The following EFHB variants were observed in gnomAD, a reference collection of about 807,000 sequenced individuals.
The protein encoded by EFHB is EF-hand domain-containing family member B.
Under a neutral mutation model 87.2 loss-of-function variants are expected in EFHB, and 91 were observed. That is an observed-to-expected ratio of 1.04 (90% CI 0.88 to 1.24). The LOEUF (loss-of-function observed/expected upper bound fraction) is 1.24, where lower values mean the gene tolerates loss of function less well. Ranked by LOEUF, EFHB falls within the 50% of genes most tolerant of loss-of-function variation. The probability of loss-of-function intolerance (pLI) is 0.00; values close to 1 mark genes in which losing one functional copy is unlikely to be tolerated. For synonymous variants in EFHB, 325 were observed against 333.6 expected (o/e 0.97, Z 0.28); for missense variants, 1,084 against 998.8 (o/e 1.09, Z -1.15).
intron 1 of EFHB, among the ~76,000 whole-genome samples, chr3:19,939,370 CTTT>C (rs147510880): frequency 7.3e-4 from 47 of 64,550 alleles, no homozygotes; most frequent in South Asian, 1.7e-3. Flanking sequence ...GTTGGGTCTC[CTTT>C]TTTTTTTTTT....
At chr3:19,882,063 T>G (rs73819008) in intron 12 of EFHB, among the ~76,000 whole-genome samples, 116 of 102,500 alleles carry the variant, frequency 1.1e-3, no homozygotes, top group Non-Finnish European at 1.4e-3. Flanking sequence ...AAATAAATAA[T>G]TAAATAAGAC....
At chr3:19,892,334 C>T (rs1047870893) in intron 9 of EFHB, among the ~76,000 whole-genome samples, 6 of 152,344 alleles carry the variant, frequency 3.9e-5, no homozygotes, top group Middle Eastern at 6.8e-3. Context: ...CTCTCACCAG[C>T]TCCTGGTGCC....
intron 1 of EFHB, among the ~76,000 whole-genome samples, chr3:19,925,896 A>G (rs532926953): frequency 6.6e-6 from 1 of 152,260 alleles, no homozygotes; most frequent in African/African-American, 2.4e-5. Flanking sequence ...ACTCAGAGAG[A>G]TCCCCAATTC....
intron 5 of EFHB, among the ~76,000 whole-genome samples, chr3:19,908,600 GAA>G (rs1490691389): frequency 0.019 from 1,858 of 96,700 alleles, 18 homozygotes; most frequent in Non-Finnish European, 0.026. Context: ...GAGAGAGAGA[GAA>G]AGAAAGAAAG....
Position 19,905,632 on chromosome 3 carries a change from T to G in EFHB, c.1406A>C (p.His469Pro), listed in dbSNP as rs751408991. The G allele has an allele frequency of 6.2e-7, 1 of 1,613,670 alleles. No homozygotes were observed. The highest frequency in any genetic ancestry group is 8.5e-7 in the Non-Finnish European group (1 of 1,179,652). Residue 469 changes from histidine to proline, a missense_variant, in exon 6 of 13, where the codon CAT (histidine) becomes CCT (proline). Coordinates refer to ENST00000295824, the MANE Select transcript of EFHB (RefSeq NM_144715.4). Reference protein sequence around the residue: ...RAMAKSLYWLHELQMKRGAKF... With the variant: ...RAMAKSLYWLPELQMKRGAKF... ...TAATTAAACTTACATTTGTAGTTCA[T>G]GGAGCCAATATAGAGATTTTGCCAT...
chr3:19,940,080 G>C (rs1414510186), intron 1 of EFHB, among the ~76,000 whole-genome samples: 8 of 151,984 alleles, frequency 5.3e-5, no homozygotes, highest in Non-Finnish European at 1.2e-4. Context: ...TCCTTTAAAG[G>C]CTTACTTTCT....
At chr3:19,882,192 C>T (rs2071696017) in intron 12 of EFHB, among the ~76,000 whole-genome samples, 1 of 152,128 alleles carries the variant, frequency 6.6e-6, no homozygotes. Context: ...AGTGACCATC[C>T]TCATGCCCAC....
In EFHB at chr3:19,891,354, C is replaced by G. The variant is rs550564680; in HGVS notation, c.1726-2703G>C. On this transcript the variant is annotated intron_variant, in intron 9 of 12. Transcript: ENST00000295824. Reference sequence around the variant, plus strand: ...TGTAGGTGTGAGCCACCACACTCAGCTGAGAAGTGATCCTTTAGAAAAAAA... The same window carrying G: ...TGTAGGTGTGAGCCACCACACTCAGGTGAGAAGTGATCCTTTAGAAAAAAA... Among the ~76,000 whole-genome samples the G allele has an allele frequency of 8.4e-4, 126 of 150,056 alleles. 1 individual carries two copies. The highest frequency in any genetic ancestry group is 3.1e-3 in the African/African-American group (123 of 39,864).
chr3:19,918,667 T>C (rs1331174943), intron 3 of EFHB, among the ~76,000 whole-genome samples: 3 of 152,076 alleles, frequency 2.0e-5, no homozygotes, highest in South Asian at 2.1e-4. Context: ...TCCAGGTTAC[T>C]TGACTCAAAT....
chr3:19,946,517 T>C (rs966144342), intron 1 of EFHB, among the ~76,000 whole-genome samples: 1 of 152,180 alleles, frequency 6.6e-6, no homozygotes, highest in Non-Finnish European at 1.5e-5. Context: ...CCCCGCCCCC[T>C]ACCAAAACCA....
At chr3:19,883,668 A>G (rs2071738084) in intron 11 of EFHB, among the ~76,000 whole-genome samples, 1 of 152,160 alleles carries the variant, frequency 6.6e-6, no homozygotes, top group South Asian at 2.1e-4. Context: ...AATTAAGATA[A>G]GGTCATACTG....
At chr3:19,885,058 T>C (rs1227655975) in intron 10 of EFHB, among the ~76,000 whole-genome samples, 1 of 151,432 alleles carries the variant, frequency 6.6e-6, no homozygotes, top group Non-Finnish European at 1.5e-5. Context: ...CCCGTCTCTA[T>C]TAAAAATATA....
chr3:19,933,174 A>G, intron 1 of EFHB, 56 bp downstream of exon 1: 3 of 1,506,228 alleles, frequency 2.0e-6, no homozygotes, highest in Non-Finnish European at 2.7e-6. Flanking sequence ...TTATCATCTC[A>G]ATAAAGACAT....
rs376000870 is a variant in EFHB at position 19,882,736 on chromosome 3, G to A, written c.2147-5C>T. 43 of 1,608,462 alleles carry A rather than the reference G, an allele frequency of 2.7e-5. No individual in the cohort carries two copies. Among genetic ancestry groups the A allele is most frequent in the Middle Eastern group, 1.7e-4 (1 of 6,038 alleles). On this transcript the variant is annotated splice_polypyrimidine_tract_variant and splice_region_variant and intron_variant, in intron 11 of 12. Coordinates refer to ENST00000295824, the MANE Select transcript of EFHB (RefSeq NM_144715.4). Reference sequence around the variant, plus strand: ...GAACACCACAAATGGGGTAACCTAGGTCATTGATGAGGGAAGAAAACAGAC... The same window carrying A: ...GAACACCACAAATGGGGTAACCTAGATCATTGATGAGGGAAGAAAACAGAC...
In EFHB at chr3:19,933,564, T is replaced by C. The variant is rs773617642; in HGVS notation, c.455A>G (p.Glu152Gly). Residue 152 changes from glutamate to glycine, a missense_variant, in exon 1 of 13, where the codon GAA (glutamate) becomes GGA (glycine). Glu to Gly is a moderately conservative substitution (Grantham distance 98, BLOSUM62 -2). Coordinates refer to ENST00000295824, the MANE Select transcript of EFHB (RefSeq NM_144715.4). Reference protein sequence around the residue: ...SRRAPLASGPEGVEELVGKPA... With the variant: ...SRRAPLASGPGGVEELVGKPA... ...CTTTCCCACTAATTCCTCTACCCCT[T>C]CAGGGCCACTAGCCAAAGGAGCTCT... The C allele has an allele frequency of 1.2e-6, 2 of 1,614,002 alleles. No individual in the cohort carries two copies. The highest frequency in any genetic ancestry group is 2.2e-5 in the South Asian group (2 of 91,088).
rs771238644 is a variant in EFHB at position 19,933,667 on chromosome 3, C to A, written c.352G>T (p.Ala118Ser). Residue 118 changes from alanine (A) to serine (S), a missense_variant, in exon 1 of 13, where the codon GCA becomes TCA. By Grantham distance (99) the Ala-to-Ser change is moderately conservative. Coordinates refer to ENST00000295824, the MANE Select transcript of EFHB (RefSeq NM_144715.4). ...ATTATCCGTTCATGGGTATATCCTGCAAGAAGACTCTCATTTTCTAACCCC... is the reference window on the plus strand; with the variant it reads ...ATTATCCGTTCATGGGTATATCCTGAAAGAAGACTCTCATTTTCTAACCCC... ...RMGLENESLL[A>S]GYTHERIIQP... 1.9e-6 allele frequency: 3 copies of A among 1,614,014 alleles called. No homozygotes were observed. The highest frequency in any genetic ancestry group is 2.5e-6 in the Non-Finnish European group (3 of 1,179,888).
At chr3:19,930,614 C>T (rs928879859) in intron 1 of EFHB, among the ~76,000 whole-genome samples, 3 of 152,018 alleles carry the variant, frequency 2.0e-5, no homozygotes, top group Non-Finnish European at 4.4e-5. Flanking sequence ...CTTATTTTTA[C>T]TTTATTTTTA....
At chr3:19,919,731 G>C (rs776315545) in intron 3 of EFHB, 102 bp downstream of exon 3, 2 of 1,174,736 alleles carry the variant, frequency 1.7e-6, no homozygotes, top group Non-Finnish European at 2.4e-6. Flanking sequence ...AAAAATATGG[G>C]TGGGAAGGAG....
Position 19,933,793 on chromosome 3 carries a change from T to C in EFHB, c.226A>G (p.Arg76Gly), listed in dbSNP as rs1283862119. 2 of 1,614,010 alleles carry C rather than the reference T, an allele frequency of 1.2e-6. No individual in the cohort carries two copies. Among genetic ancestry groups the C allele is most frequent in the Non-Finnish European group, 1.7e-6 (2 of 1,179,888 alleles). ...LSKGLEMGLE[R>G]QNISRTVMQR... ...ATGACAGTCCTAGAAATATTCTGTC[T>C]TTCTAATCCCATTTCAAGCCCCTTG... Residue 76 changes from arginine to glycine, a missense_variant, in exon 1 of 13, where the codon AGA becomes GGA. By Grantham distance (125) the Arg-to-Gly change is moderately radical (BLOSUM62 -2). Transcript: ENST00000295824.
Sources: gnomAD v4.1 joint callset for allele counts (sites outside exome capture counted in the v4.1 genomes callset) on GRCh38, gnomAD v4.1.1 for gene constraint, MANE v1.5 for transcripts, NCBI Gene and HGNC (gene_info 2026-07-23, HGNC 2026-07-21) for gene names.